The following NAALADL2 variants were observed in gnomAD, a reference collection of about 807,000 sequenced individuals.
NAALADL2 encodes the protein N-acetylated alpha-linked acidic dipeptidase like 2, also known as inactive N-acetylated-alpha-linked acidic dipeptidase-like protein 2.
Under a neutral mutation model 87.2 loss-of-function variants are expected in NAALADL2, and 76 were observed. The observed-to-expected ratio is 0.87, with a 90% CI of 0.72 to 1.05. The LOEUF (loss-of-function observed/expected upper bound fraction) is 1.05, where lower values mean the gene tolerates loss of function less well. Ranked by LOEUF, NAALADL2 falls within the 50% of genes least tolerant of loss-of-function variation. The probability of loss-of-function intolerance (pLI) is 0.00; values close to 1 mark genes in which losing one functional copy is unlikely to be tolerated. For synonymous variants in NAALADL2, 354 were observed against 331.0 expected, an observed-to-expected ratio of 1.07 and a Z score of -0.75; for missense variants, 1,089 against 945.8, an observed-to-expected ratio of 1.15 and a Z score of -1.99.
At position 175,808,406 on chromosome 3, in the gene NAALADL2, AAATGC is replaced by A. The variant is rs1754888537; in HGVS notation, c.*5204_*5208del. 1 of 151,930 alleles carries A rather than the reference AAATGC, an allele frequency of 6.6e-6. No homozygotes were observed. Among genetic ancestry groups the A allele is most frequent in the African/African-American group, 2.4e-5 (1 of 41,400 alleles). 9.4% of individuals were successfully genotyped at this position (151,930 alleles called of 1,614,324 possible). ...AAATGGTAATTTTGATGGATTTTTT[AAATGC>A]CAAAATCCAATCATCAAGGCCAAAG... On this transcript the variant is annotated 3_prime_UTR_variant, in exon 14 of 14. Coordinates refer to ENST00000454872, the MANE Select transcript of NAALADL2 (RefSeq NM_207015.3).
At chr3:175,569,176 G>A (rs1717657955) in intron 9 of NAALADL2, among the ~76,000 whole-genome samples, 1 of 152,146 alleles carries the variant, frequency 6.6e-6, no homozygotes, top group Admixed American at 6.5e-5. Context: ...CACGTGTAAT[G>A]ATTTATCCAT....
intron 5 of NAALADL2, among the ~76,000 whole-genome samples, chr3:175,330,695 C>CA (rs200189665): frequency 1.4e-4 from 22 of 151,868 alleles, no homozygotes; most frequent in African/African-American, 5.3e-4. Flanking sequence ...ACACCTATAT[C>CA]AAAAAAATAC....
At chr3:175,419,225 G>T (rs575634241) in intron 5 of NAALADL2, among the ~76,000 whole-genome samples, 4 of 150,964 alleles carry the variant, frequency 2.6e-5, no homozygotes, top group East Asian at 1.9e-4. Flanking sequence ...ATATGACAAG[G>T]GTTTTTGAAA....
chr3:175,344,192 T>C (rs1329146231), intron 5 of NAALADL2, among the ~76,000 whole-genome samples: 1 of 152,138 alleles, frequency 6.6e-6, no homozygotes, highest in African/African-American at 2.4e-5. Context: ...CCATTGTATT[T>C]GGCAGTTTCT....
At chr3:174,678,274 A>G (rs1295479918) in intron 2 of NAALADL2, among the ~76,000 whole-genome samples, 1 of 152,154 alleles carries the variant, frequency 6.6e-6, no homozygotes, top group African/African-American at 2.4e-5. Flanking sequence ...CTAACCAGCT[A>G]TTAGGTGATG....
chr3:175,568,373 A>G (rs1452158063), intron 9 of NAALADL2, among the ~76,000 whole-genome samples: 6 of 152,066 alleles, frequency 3.9e-5, no homozygotes, highest in Non-Finnish European at 7.3e-5. Context: ...AAGAAAAATT[A>G]TAGATGCGTA....
chr3:175,060,025 C>T, intron 1 of NAALADL2: 1 of 405,532 alleles, frequency 2.5e-6, no homozygotes, highest in South Asian at 2.1e-5. Context: ...GTCTCTGAAA[C>T]CCATGGTGTC....
intron 1 of NAALADL2, among the ~76,000 whole-genome samples, chr3:174,932,491 A>C (rs984222154): frequency 6.6e-6 from 1 of 152,168 alleles, no homozygotes; most frequent in Non-Finnish European, 1.5e-5. Context: ...TTCACAGGTG[A>C]ATGAAACAGC....
chr3:175,346,803 T>C (rs1055188279), intron 5 of NAALADL2, among the ~76,000 whole-genome samples: 2 of 152,218 alleles, frequency 1.3e-5, no homozygotes, highest in Non-Finnish European at 2.9e-5. Flanking sequence ...GCAGAAACTG[T>C]GTTCCTTGTA....
At chr3:174,962,493 T>G (rs779794901) in intron 1 of NAALADL2, among the ~76,000 whole-genome samples, 1 of 142,668 alleles carries the variant, frequency 7.0e-6, no homozygotes, top group Non-Finnish European at 1.5e-5. Context: ...GTGTATAATT[T>G]CAAATTAGTG....
At chr3:174,633,119 T>A (rs540886969) in intron 2 of NAALADL2, among the ~76,000 whole-genome samples, 2 of 152,176 alleles carry the variant, frequency 1.3e-5, no homozygotes, top group African/African-American at 4.8e-5. Context: ...GAGTTGATAC[T>A]ACCAGTATTT....
chr3:175,172,259 C>CAT (rs58104638), intron 2 of NAALADL2, among the ~76,000 whole-genome samples: 41,195 of 151,250 alleles, frequency 0.27, 6,136 homozygotes, highest in Non-Finnish European at 0.34. Flanking sequence ...TATGTATCTT[C>CAT]ATATATATAT....
intron 13 of NAALADL2, among the ~76,000 whole-genome samples, chr3:175,790,554 T>G (rs571822786): frequency 6.6e-6 from 1 of 152,314 alleles, no homozygotes; most frequent in South Asian, 2.1e-4. Context: ...GGGATTGGAA[T>G]TCTAGATTTA....
chr3:175,706,471 T>A (rs1739738823), intron 11 of NAALADL2, among the ~76,000 whole-genome samples: 1 of 152,116 alleles, frequency 6.6e-6, no homozygotes, highest in Non-Finnish European at 1.5e-5. Context: ...TATGTGAACA[T>A]AATCTCTGTC....
At chr3:175,791,923 A>AC (rs1752834922) in intron 13 of NAALADL2, among the ~76,000 whole-genome samples, 1 of 151,432 alleles carries the variant, frequency 6.6e-6, no homozygotes, top group Admixed American at 6.6e-5. Context: ...AAAAAAAAAA[A>AC]CAACCCTGAT....
intron 2 of NAALADL2, among the ~76,000 whole-genome samples, chr3:175,116,734 CCACAACAACAACAAAAAAACCAAA>C (rs1725249305): frequency 5.3e-5 from 8 of 150,680 alleles, no homozygotes; most frequent in Non-Finnish European, 7.4e-5. Context: ...AAAAACAAAA[CCACAACAACAACAAAAAAACCAAA>C]AACTTTAAAG....
intron 1 of NAALADL2, among the ~76,000 whole-genome samples, chr3:174,904,778 A>T (rs1000335547): frequency 6.6e-6 from 1 of 151,798 alleles, no homozygotes; most frequent in African/African-American, 2.4e-5. Flanking sequence ...TTGAGGCAAT[A>T]ATTCACTCAA....
At chr3:175,235,536 G>C (rs1156571744) in intron 3 of NAALADL2, 1 of 152,110 alleles carries the variant, frequency 6.6e-6, no homozygotes, top group Non-Finnish European at 1.5e-5. Context: ...ATAGAGGAAG[G>C]CAACTGTCAC....
At chr3:175,556,758 CT>C (rs1715345238) in intron 9 of NAALADL2, among the ~76,000 whole-genome samples, 2 of 152,180 alleles carry the variant, frequency 1.3e-5, no homozygotes, top group African/African-American at 2.4e-5. Context: ...TATATCTTAA[CT>C]GTTTTTAGAA....
Sources: gnomAD v4.1 joint callset for allele counts (sites outside exome capture counted in the v4.1 genomes callset) on GRCh38, gnomAD v4.1.1 for gene constraint, MANE v1.5 for transcripts, NCBI Gene and HGNC (gene_info 2026-07-23, HGNC 2026-07-21) for gene names.